The following KIAA1217 variants were observed in gnomAD, a reference collection of about 807,000 sequenced individuals.
KIAA1217 encodes sickle tail protein homolog.
A neutral mutation model predicts 163.9 loss-of-function variants in KIAA1217; 88 were observed. That is an observed-to-expected ratio of 0.54 (90% CI 0.45 to 0.64). The LOEUF (loss-of-function observed/expected upper bound fraction) is 0.64, where lower values mean the gene tolerates loss of function less well. KIAA1217 is among the 30% of genes least tolerant of loss of function. KIAA1217 has a pLI of 0.00. For synonymous variants in KIAA1217, 903 were observed against 923.1 expected, an observed-to-expected ratio of 0.98 and a Z score of 0.39; for missense variants, 2,372 against 2,475.0, an observed-to-expected ratio of 0.96 and a Z score of 0.88.
At chr10:24,146,298 A>G (rs2064309223) in intron 2 of KIAA1217, among the ~76,000 whole-genome samples, 1 of 152,326 alleles carries the variant, frequency 6.6e-6, no homozygotes, top group East Asian at 1.9e-4. Flanking sequence ...GCCCATTCTA[A>G]GTTTTTAAGT....
intron 2 of KIAA1217, among the ~76,000 whole-genome samples, chr10:24,048,225 G>T (rs1027289101): frequency 5.9e-5 from 9 of 152,060 alleles, no homozygotes; most frequent in African/African-American, 2.2e-4. Context: ...TATCTATATG[G>T]GTCATTACAT....
At chr10:23,951,551 G>A (rs1038605634) in intron 1 of KIAA1217, among the ~76,000 whole-genome samples, 1 of 152,134 alleles carries the variant, frequency 6.6e-6, no homozygotes, top group African/African-American at 2.4e-5. Context: ...TATGTGGGAG[G>A]CTGAAGTGGG....
intron 8 of KIAA1217, among the ~76,000 whole-genome samples, chr10:24,497,092 T>C (rs1425512149): frequency 1.8e-4 from 28 of 152,210 alleles, no homozygotes; most frequent in Non-Finnish European, 2.9e-5. Context: ...ATAGCAGCCT[T>C]GTATAGTGCA....
intron 1 of KIAA1217, among the ~76,000 whole-genome samples, chr10:23,748,722 C>T (rs921536531): frequency 1.3e-5 from 2 of 152,014 alleles, no homozygotes; most frequent in Non-Finnish European, 2.9e-5. Flanking sequence ...TTACAGGTAA[C>T]GTTTCTTCTT....
chr10:24,474,029 A>C lies in KIAA1217; in HGVS notation c.1648A>C (p.Thr550Pro). The C allele has an allele frequency of 6.2e-7, 1 of 1,610,590 alleles. No homozygotes were observed. The highest frequency in any genetic ancestry group is 8.5e-7 in the Non-Finnish European group (1 of 1,177,922). The change falls in exon 6 of 21, where the codon ACG (threonine) becomes CCG (proline). Residue 550 changes from threonine (T) to proline (P), a missense_variant. Coordinates refer to ENST00000376454, the MANE Select transcript of KIAA1217 (RefSeq NM_019590.5). Reference protein sequence around the residue: ...LMEKQVFAYSTATIPKDRETR... With the variant: ...LMEKQVFAYSPATIPKDRETR... ...GGAGAAGCAAGTTTTTGCCTACAGCACGGCGACAATACCCAAAGACAGAGA... is the reference window on the plus strand; with the variant it reads ...GGAGAAGCAAGTTTTTGCCTACAGCCCGGCGACAATACCCAAAGACAGAGA...
At chr10:24,510,218 C>A (rs1200310779) in intron 9 of KIAA1217, among the ~76,000 whole-genome samples, 1 of 152,224 alleles carries the variant, frequency 6.6e-6, no homozygotes, top group Non-Finnish European at 1.5e-5. Flanking sequence ...GCCGAGCACA[C>A]CCTGAGCATG....
At position 24,130,932 on chromosome 10, in the gene KIAA1217, T is replaced by C. The variant is rs550281066; in HGVS notation, c.-170-88694T>C. Among the ~76,000 whole-genome samples, 10 of 152,314 alleles carry C rather than the reference T, an allele frequency of 6.6e-5. No individual in the cohort carries two copies. In the East Asian group the frequency reaches 1.9e-3, roughly 29 times the overall value. ...ATGGGCACAAGCCTCTAACTTTCCTTGGTATACTTAAAAGATAAAAATTTA... is the reference window on the plus strand; with the variant it reads ...ATGGGCACAAGCCTCTAACTTTCCTCGGTATACTTAAAAGATAAAAATTTA... On this transcript the variant is annotated intron_variant, in intron 2 of 18. Transcript: ENST00000376462.
intron 2 of KIAA1217, among the ~76,000 whole-genome samples, chr10:24,078,024 CT>C (rs1456589475): frequency 6.6e-5 from 10 of 152,090 alleles, no homozygotes; most frequent in Non-Finnish European, 1.5e-5. Flanking sequence ...CCTTTGCCTA[CT>C]TTTTAATGGG....
chr10:24,423,559 A>C (rs1429515255), intron 3 of KIAA1217, among the ~76,000 whole-genome samples: 2 of 152,106 alleles, frequency 1.3e-5, no homozygotes, highest in African/African-American at 4.8e-5. Context: ...TCCCAGGTTC[A>C]CGTGATTCTC....
At chr10:24,334,480 G>GAAGGAAGGAAGGAAGA (rs548225852) in intron 2 of KIAA1217, among the ~76,000 whole-genome samples, 1,351 of 81,856 alleles carry the variant, frequency 0.017, 54 homozygotes, top group South Asian at 0.059. Context: ...AGGAAGGAAG[G>GAAGGAAGGAAGGAAGA]AAGGAACTTA....
intron 2 of KIAA1217, among the ~76,000 whole-genome samples, chr10:24,299,968 A>G (rs942845924): frequency 1.3e-5 from 2 of 152,012 alleles, no homozygotes; most frequent in African/African-American, 4.8e-5. Context: ...TAGATTCTTT[A>G]CTGCTTGTTC....
At chr10:23,974,544 C>T (rs980356682) in intron 1 of KIAA1217, among the ~76,000 whole-genome samples, 1 of 152,052 alleles carries the variant, frequency 6.6e-6, no homozygotes, top group South Asian at 2.1e-4. Flanking sequence ...CACCTGTAAT[C>T]CCATCATTTT....
chr10:23,979,410 C>T (rs1589174961), intron 1 of KIAA1217, among the ~76,000 whole-genome samples: 3 of 152,282 alleles, frequency 2.0e-5, no homozygotes, highest in Admixed American at 2.0e-4. Flanking sequence ...GTGTTGGATT[C>T]CCCAAACACA....
At chr10:23,993,853 T>C (rs1275542738) in intron 1 of KIAA1217, among the ~76,000 whole-genome samples, 1 of 152,116 alleles carries the variant, frequency 6.6e-6, no homozygotes, top group Non-Finnish European at 1.5e-5. Flanking sequence ...GTGCTGGGAT[T>C]ACAGGCATGA....
chr10:24,352,427 T>A (rs1413425760), intron 2 of KIAA1217, among the ~76,000 whole-genome samples: 2 of 152,238 alleles, frequency 1.3e-5, no homozygotes, highest in East Asian at 3.9e-4. Flanking sequence ...TTTGCCATTC[T>A]CATAAATGGG....
At position 24,141,773 on chromosome 10, in the gene KIAA1217, CA is replaced by C. The variant is rs2064093449; in HGVS notation, c.-170-77852del. Among the ~76,000 whole-genome samples, 14 of 152,292 alleles carry C rather than the reference CA, an allele frequency of 9.2e-5. No homozygotes were observed. In the South Asian group the frequency reaches 2.7e-3, roughly 29 times the overall value. ...CGTAGATAAGGCTGGTCAGAACCAG[CA>C]GCCTGAACCCAACCAGGTCATATGT... On this transcript the variant is annotated intron_variant, in intron 2 of 18. Transcript: ENST00000376462.
chr10:23,817,378 G>A (rs528468116), intron 1 of KIAA1217, among the ~76,000 whole-genome samples: 3 of 152,142 alleles, frequency 2.0e-5, no homozygotes, highest in Non-Finnish European at 2.9e-5. Flanking sequence ...GAAGTTTAAA[G>A]TCTTCACTTG....
intron 2 of KIAA1217, among the ~76,000 whole-genome samples, chr10:24,244,784 C>G (rs1179694331): frequency 3.3e-5 from 5 of 151,880 alleles, no homozygotes; most frequent in Non-Finnish European, 4.4e-5. Flanking sequence ...AGGCTGATCT[C>G]GAACTCCCGG....
intron 2 of KIAA1217, among the ~76,000 whole-genome samples, chr10:24,156,186 A>G (rs1026022467): frequency 6.6e-6 from 1 of 152,176 alleles, no homozygotes; most frequent in Non-Finnish European, 1.5e-5. Context: ...GTCACTAGAA[A>G]CTAGCTTGCA....
Sources: allele counts gnomAD v4.1 joint callset (sites outside exome capture counted in the v4.1 genomes callset), GRCh38; gene constraint gnomAD v4.1.1; transcripts MANE v1.5; gene names NCBI Gene and HGNC (gene_info 2026-07-23, HGNC 2026-07-21).